The following GRID2 variants were observed in gnomAD, a reference collection of about 807,000 sequenced individuals.
The protein encoded by GRID2 is glutamate ionotropic receptor delta type subunit 2.
A neutral mutation model predicts 114.8 loss-of-function variants in GRID2; 33 were observed. That is an observed-to-expected ratio of 0.29 (90% CI 0.22 to 0.38). The LOEUF is 0.38. GRID2 is among the 10% of genes least tolerant of loss of function. GRID2 has a pLI of 1.00. For synonymous variants in GRID2, 505 were observed against 449.9 expected (o/e 1.12, Z -1.55); for missense variants, 1,184 against 1,257.7 (o/e 0.94, Z 0.89).
chr4:92,670,701 G>T (rs1445757461), intron 2 of GRID2, among the ~76,000 whole-genome samples: 1 of 152,062 alleles, frequency 6.6e-6, no homozygotes, highest in African/African-American at 2.4e-5. Context: ...GGCAGGAAAA[G>T]TTCTAAATGC....
At chr4:93,694,914 G>A (rs1259804503) in intron 14 of GRID2, among the ~76,000 whole-genome samples, 1 of 152,084 alleles carries the variant, frequency 6.6e-6, no homozygotes, top group Non-Finnish European at 1.5e-5. Context: ...GCTCACGCTT[G>A]TAATCCTAGC....
At chr4:92,750,820 GATATTCAAAT>G (rs772922557) in intron 2 of GRID2, among the ~76,000 whole-genome samples, 1 of 152,086 alleles carries the variant, frequency 6.6e-6, no homozygotes, top group Non-Finnish European at 1.5e-5. Context: ...AATTTACACA[GATATTCAAAT>G]ATATACTTGA....
chr4:93,598,939 C>G (rs1198518603), intron 13 of GRID2, among the ~76,000 whole-genome samples: 1 of 152,116 alleles, frequency 6.6e-6, no homozygotes, highest in Non-Finnish European at 1.5e-5. Context: ...TAGAACAAAA[C>G]CCACTCTAAT....
intron 2 of GRID2, among the ~76,000 whole-genome samples, chr4:92,986,089 G>T (rs537867811): frequency 6.6e-6 from 1 of 152,210 alleles, no homozygotes; most frequent in Admixed American, 6.5e-5. Flanking sequence ...ATTTGCTTGG[G>T]GACATGGATC....
intron 1 of GRID2, among the ~76,000 whole-genome samples, chr4:92,416,173 T>C (rs1270744511): frequency 6.6e-6 from 1 of 152,176 alleles, no homozygotes; most frequent in African/African-American, 2.4e-5. Context: ...ACAATTTTTT[T>C]CATATGTTTG....
chr4:92,802,315 A>G (rs10856898), intron 2 of GRID2, among the ~76,000 whole-genome samples: 45,031 of 151,636 alleles, frequency 0.3, 7,198 homozygotes, highest in Middle Eastern at 0.45. Flanking sequence ...ACAATTCCAT[A>G]GTTTACATTA....
At chr4:92,749,264 G>A (rs902693975) in intron 2 of GRID2, among the ~76,000 whole-genome samples, 5 of 149,682 alleles carry the variant, frequency 3.3e-5, no homozygotes, top group African/African-American at 1.2e-4. Context: ...CCAAAGTACT[G>A]GGATTACAGC....
At chr4:92,636,416 C>T (rs948001223) in intron 2 of GRID2, among the ~76,000 whole-genome samples, 2 of 151,996 alleles carry the variant, frequency 1.3e-5, no homozygotes, top group Non-Finnish European at 2.9e-5. Context: ...TTGAGACCAA[C>T]TGAGTACATA....
intron 1 of GRID2, among the ~76,000 whole-genome samples, chr4:92,521,611 G>C (rs949962932): frequency 6.6e-6 from 1 of 151,922 alleles, no homozygotes; most frequent in Non-Finnish European, 1.5e-5. Flanking sequence ...AAATTGGCAA[G>C]AAATCCAAAT....
chr4:92,820,746 T>C (rs1391697546), intron 2 of GRID2, among the ~76,000 whole-genome samples: 2 of 152,172 alleles, frequency 1.3e-5, no homozygotes, highest in African/African-American at 4.8e-5. Flanking sequence ...GCAACAGTGA[T>C]GTATATACAA....
At chr4:93,098,988 C>CGTGTGTGTGT (rs1560876762) in intron 3 of GRID2, among the ~76,000 whole-genome samples, 2 of 76,288 alleles carry the variant, frequency 2.6e-5, no homozygotes, top group South Asian at 4.2e-4. Context: ...AAGATCATTT[C>CGTGTGTGTGT]CTGTGTGTGT....
intron 4 of GRID2, among the ~76,000 whole-genome samples, chr4:93,156,163 C>T (rs942833754): frequency 6.6e-6 from 1 of 151,410 alleles, no homozygotes; most frequent in African/African-American, 2.4e-5. Context: ...GTATGAAGTA[C>T]TTGGAACAGT....
intron 13 of GRID2, among the ~76,000 whole-genome samples, chr4:93,533,791 C>G (rs57092887): frequency 0.026 from 3,984 of 152,110 alleles, 160 homozygotes; most frequent in African/African-American, 0.09. Context: ...ATTGCAATAG[C>G]TTTCTACCAA....
intron 2 of GRID2, among the ~76,000 whole-genome samples, chr4:92,666,511 A>G (rs1040406756): frequency 1.3e-5 from 2 of 151,414 alleles, no homozygotes; most frequent in African/African-American, 4.8e-5. Context: ...TTTTAATCCA[A>G]TAATATGGCA....
chr4:92,753,847 T>C (rs1737576790), intron 2 of GRID2, among the ~76,000 whole-genome samples: 1 of 152,156 alleles, frequency 6.6e-6, no homozygotes, highest in Non-Finnish European at 1.5e-5. Context: ...TAAGTAAAAA[T>C]AAGACTATAA....
intron 2 of GRID2, among the ~76,000 whole-genome samples, chr4:92,678,014 C>G (rs1733462779): frequency 6.6e-6 from 1 of 152,090 alleles, no homozygotes; most frequent in Admixed American, 6.5e-5. Flanking sequence ...TTCAAATAAA[C>G]CAAGTACCTT....
intron 1 of GRID2, among the ~76,000 whole-genome samples, chr4:92,530,735 T>TAA (rs143078058): frequency 2.5e-4 from 32 of 126,610 alleles, no homozygotes; most frequent in South Asian, 7.8e-4. Flanking sequence ...CCCCCTCTAC[T>TAA]AAAAAAAAAA....
At chr4:92,698,537 A>G (rs1350228021) in intron 2 of GRID2, among the ~76,000 whole-genome samples, 2 of 151,986 alleles carry the variant, frequency 1.3e-5, no homozygotes, top group South Asian at 2.1e-4. Flanking sequence ...ACTTAACTGT[A>G]TATAATATAT....
At position 92,835,803 on chromosome 4, in the gene GRID2, T is replaced by A. The variant is rs368942419; in HGVS notation, c.244+245517T>A. Among the ~76,000 whole-genome samples, 11 of 152,272 alleles carry A rather than the reference T, an allele frequency of 7.2e-5. No homozygotes were observed. The East Asian group carries it at 1.4e-3, about 19-fold the overall frequency. Reference sequence around the variant, plus strand: ...AATTGTTTTAATGGTAATGAGTGTATACACTCCCCTCCACACTTCGTATTG... The same window carrying A: ...AATTGTTTTAATGGTAATGAGTGTAAACACTCCCCTCCACACTTCGTATTG... On this transcript the variant is annotated intron_variant, in intron 2 of 15. Coordinates refer to ENST00000282020, the MANE Select transcript of GRID2 (RefSeq NM_001510.4).
Sources: allele counts gnomAD v4.1 joint callset (sites outside exome capture counted in the v4.1 genomes callset), GRCh38; gene constraint gnomAD v4.1.1; transcripts MANE v1.5; gene names NCBI Gene and HGNC (gene_info 2026-07-23, HGNC 2026-07-21).